USP43: variants seen among roughly 807,000 people sequenced by gnomAD.
USP43 encodes the protein ubiquitin specific peptidase 43, also known as ubiquitin carboxyl-terminal hydrolase 43.
Under a neutral mutation model 90.7 loss-of-function variants are expected in USP43, and 33 were observed. The observed-to-expected ratio is 0.36, with a 90% CI of 0.28 to 0.49. The LOEUF (loss-of-function observed/expected upper bound fraction) is 0.49, where lower values mean the gene tolerates loss of function less well. USP43 is among the 20% of genes least tolerant of loss of function. The pLI, the probability that USP43 is intolerant of heterozygous loss-of-function variation, is 0.98. For synonymous variants in USP43, 598 were observed against 615.8 expected, an observed-to-expected ratio of 0.97 and a Z score of 0.43; for missense variants, 1,274 against 1,476.4, an observed-to-expected ratio of 0.86 and a Z score of 2.25.
chr17:9,717,984 AT>A (rs1916694168), intron 14 of USP43, among the ~76,000 whole-genome samples: 1 of 151,786 alleles, frequency 6.6e-6, no homozygotes, highest in East Asian at 1.9e-4. Context: ...TTTAGTAGAG[AT>A]GGGGGTTTCA....
In USP43 at chr17:9,645,526, C is replaced by T. The variant is rs1018340032; in HGVS notation, c.-107C>T. Reference sequence around the variant, plus strand: ...TCCGCCCCGTCCCCGCACACCTGGCCCGCAGGTAGCCGGCACCAGGAGCCT... The same window carrying T: ...TCCGCCCCGTCCCCGCACACCTGGCTCGCAGGTAGCCGGCACCAGGAGCCT... On this transcript the variant is annotated 5_prime_UTR_variant, in exon 1 of 15. Transcript: ENST00000285199. The surrounding 1 kb of genome is among the most constrained non-coding windows in gnomAD (Gnocchi z 6.8). 3.5e-5 allele frequency: 37 copies of T among 1,058,630 alleles called. No individual in the cohort carries two copies. Among genetic ancestry groups the T allele is most frequent in the Non-Finnish European group, 4.3e-5 (37 of 856,698 alleles). 65.6% of individuals were successfully genotyped at this position (1,058,630 alleles called of 1,614,324 possible). A position where few individuals can be genotyped will look rare whatever the true frequency, so the allele number is the denominator to read the frequency against.
At chr17:9,681,513 A>T (rs1914289512) in intron 6 of USP43, among the ~76,000 whole-genome samples, 2 of 69,580 alleles carry the variant, frequency 2.9e-5, no homozygotes, top group African/African-American at 4.1e-5. Context: ...TATATATTTG[A>T]GATGGTTTCT....
intron 9 of USP43, among the ~76,000 whole-genome samples, chr17:9,694,043 C>G (rs530782226): frequency 1.3e-5 from 2 of 152,172 alleles, no homozygotes; most frequent in Admixed American, 1.3e-4. Flanking sequence ...CCTTCTGGTG[C>G]GTGTGCCCTT....
At chr17:9,708,833 T>C (rs1343999876) in intron 12 of USP43, among the ~76,000 whole-genome samples, 1 of 152,180 alleles carries the variant, frequency 6.6e-6, no homozygotes, top group Non-Finnish European at 1.5e-5. Context: ...TTCACCATGT[T>C]GGCCAGGTTG....
Position 9,709,820 on chromosome 17 carries a change from T to C in USP43, c.2012-136T>C. On this transcript the variant is annotated intron_variant, in intron 12 of 14. Coordinates refer to ENST00000285199, the MANE Select transcript of USP43 (RefSeq NM_153210.5). This position sits in a 1 kb window ranked among gnomAD's most constrained non-coding sequence, Gnocchi z 5.0. ...GATCTTTTCTGATTCCAAAAAAAAT[T>C]CATTTCTGGCCAAAAATGGACTGTT... is the stretch of plus-strand genomic sequence containing the variant. The C allele has an allele frequency of 1.1e-6, 1 of 937,716 alleles. No homozygotes were observed. The highest frequency in any genetic ancestry group is 1.4e-6 in the Non-Finnish European group (1 of 707,088). 58.1% of individuals were successfully genotyped at this position (937,716 alleles called of 1,614,324 possible). A position where few individuals can be genotyped will look rare whatever the true frequency, so the allele number is the denominator to read the frequency against.
At position 9,729,232 on chromosome 17, in the gene USP43, G is replaced by A; in HGVS notation, c.*242G>A. 1 of 334,658 alleles carries A rather than the reference G, an allele frequency of 3.0e-6. No individual in the cohort carries two copies. The highest frequency in any genetic ancestry group is 5.3e-6 in the Non-Finnish European group (1 of 188,328). The allele number at this position is 334,658 out of a possible 1,614,324, so 20.7% of individuals were successfully genotyped here. On this transcript the variant is annotated 3_prime_UTR_variant, in exon 15 of 15. Coordinates refer to ENST00000285199, the MANE Select transcript of USP43 (RefSeq NM_153210.5). ...GCTTTGCTACAGTTTGGCCACTAGA[G>A]GATGCTATTGGGTCAGTATTACCAG...
At chr17:9,688,135 G>A (rs1278635165) in intron 8 of USP43, among the ~76,000 whole-genome samples, 1 of 151,458 alleles carries the variant, frequency 6.6e-6, no homozygotes, top group Non-Finnish European at 1.5e-5. Flanking sequence ...ACAGGCGCCC[G>A]CCACCACGCC....
intron 1 of USP43, among the ~76,000 whole-genome samples, chr17:9,649,941 G>C (rs1358665930): frequency 1.3e-5 from 2 of 151,830 alleles, no homozygotes; most frequent in Admixed American, 6.6e-5. Flanking sequence ...GGAGATCTAT[G>C]GTTATATTAA....
chr17:9,659,078 A>G (rs557807321), intron 2 of USP43, among the ~76,000 whole-genome samples: 4 of 152,300 alleles, frequency 2.6e-5, no homozygotes, highest in Admixed American at 2.6e-4. Flanking sequence ...GAGAGCTTTT[A>G]TAGAAATGGA....
At chr17:9,687,299 A>G (rs1914650883) in intron 8 of USP43, among the ~76,000 whole-genome samples, 1 of 152,146 alleles carries the variant, frequency 6.6e-6, no homozygotes, top group Non-Finnish European at 1.5e-5. Flanking sequence ...TTTTTCCTAG[A>G]AGATAGCATA....
rs144371360 is a variant in USP43, at chr17:9,704,240, T to C, written c.2011+2540T>C. On this transcript the variant is annotated intron_variant, in intron 12 of 14. Coordinates refer to ENST00000285199, the MANE Select transcript of USP43 (RefSeq NM_153210.5). ...CTTTTTCATTGCTTGTATTGGGACC[T>C]GCATTTAGGGGACCTGTGTGTCTGC... Among the ~76,000 whole-genome samples, 12 of 150,932 alleles carry C rather than the reference T, an allele frequency of 8.0e-5. No individual in the cohort carries two copies. The East Asian group carries it at 2.1e-3, about 27-fold the overall frequency.
At chr17:9,715,827 CTA>C (rs1289383162) in intron 14 of USP43, among the ~76,000 whole-genome samples, 4 of 136,394 alleles carry the variant, frequency 2.9e-5, no homozygotes, top group African/African-American at 5.6e-5. Flanking sequence ...CTCTGTGTGT[CTA>C]TGTGTATGTA....
chr17:9,670,497 G>A (rs1170912993), intron 3 of USP43, among the ~76,000 whole-genome samples: 2 of 152,128 alleles, frequency 1.3e-5, no homozygotes. Flanking sequence ...TATGTTTTTG[G>A]ATGGAGAGTC....
At position 9,708,263 on chromosome 17, in the gene USP43, G is replaced by T. The variant is rs79965009; in HGVS notation, c.2012-1693G>T. 3.3e-3 allele frequency among the ~76,000 whole-genome samples: 496 copies of T among 152,272 alleles called. 12 individuals carry two copies. The East Asian group carries it at 0.06, about 18-fold the overall frequency. On this transcript the variant is annotated intron_variant, in intron 12 of 14. Coordinates refer to ENST00000285199, the MANE Select transcript of USP43 (RefSeq NM_153210.5). ...GGGAGTTTGCATTTTTTCCAAAGGGGTGATAAATCATTTAAAGGTTCTAAG... is the reference window on the plus strand; with the variant it reads ...GGGAGTTTGCATTTTTTCCAAAGGGTTGATAAATCATTTAAAGGTTCTAAG...
chr17:9,726,987 G>C (rs1917305771), intron 14 of USP43, among the ~76,000 whole-genome samples: 1 of 151,110 alleles, frequency 6.6e-6, no homozygotes, highest in Admixed American at 6.6e-5. Flanking sequence ...TTTTTTTGGA[G>C]ATGGAGTCTT....
rs200100773 is a variant in USP43, at chr17:9,701,672, T to G, written c.1983T>G (p.His661Gln). ...ACCTGTATGCCGTCTGCAACCACCA[T>G]GGCAACCTGCAAGGTGGGCATTACA... ...LYDLYAVCNH[H>Q]GNLQGGHYTA... The change falls in exon 12 of 15, where the codon CAT (histidine) becomes CAG (glutamine). Residue 661 changes from histidine to glutamine, a missense_variant. His to Gln is a conservative substitution (Grantham distance 24). This residue lies in a region of USP43 where 285 missense variants were observed against 349.6 expected (regional missense o/e 0.82). Coordinates refer to ENST00000285199, the MANE Select transcript of USP43 (RefSeq NM_153210.5). This position sits in a 1 kb window ranked among gnomAD's most constrained non-coding sequence, Gnocchi z 7.2. 6.3e-7 allele frequency: 1 copy of G among 1,576,458 alleles called. No homozygotes were observed. Among genetic ancestry groups the G allele is most frequent in the African/African-American group, 1.3e-5 (1 of 74,220 alleles).
chr17:9,717,562 G>T (rs987825990), intron 14 of USP43, among the ~76,000 whole-genome samples: 7 of 152,158 alleles, frequency 4.6e-5, no homozygotes, highest in South Asian at 4.1e-4. Flanking sequence ...AATGCAGTTT[G>T]CTCATTCTCC....
At chr17:9,647,911 C>T (rs1433475000) in intron 1 of USP43, among the ~76,000 whole-genome samples, 1 of 151,240 alleles carries the variant, frequency 6.6e-6, no homozygotes, top group Non-Finnish European at 1.5e-5. Context: ...GTCCCAGCTA[C>T]TGGGGAGGCT....
At chr17:9,715,423 G>A (rs561204138) in intron 14 of USP43, among the ~76,000 whole-genome samples, 11 of 152,196 alleles carry the variant, frequency 7.2e-5, no homozygotes, top group East Asian at 1.9e-4. Context: ...ACTGCACTCC[G>A]GCCTGGGTGA....
Sources: allele counts gnomAD v4.1 joint callset (sites outside exome capture counted in the v4.1 genomes callset), GRCh38; gene constraint gnomAD v4.1.1; regional missense constraint gnomAD v4.1.1; non-coding constraint Gnocchi (gnomAD v3.1); transcripts MANE v1.5; gene names NCBI Gene and HGNC (gene_info 2026-07-23, HGNC 2026-07-21).